The following GPC6 variants were observed in gnomAD, a reference collection of about 807,000 sequenced individuals.
GPC6 encodes glypican-6.
In GPC6, 14 loss-of-function variants were observed where a neutral mutation model predicts 55.2. The ratio of observed to expected loss-of-function variants is 0.25; its 90% CI spans 0.17 to 0.40. The LOEUF is 0.40. Among genes scored for constraint, GPC6 ranks in the 10% least tolerant of loss-of-function variants. The probability of loss-of-function intolerance (pLI) is 1.00; values close to 1 mark genes in which losing one functional copy is unlikely to be tolerated. For missense variants in GPC6, 641 were observed against 708.5 expected (o/e 0.90, Z 1.08); for synonymous variants, 278 against 259.6 (o/e 1.07, Z -0.68).
intron 2 of GPC6, among the ~76,000 whole-genome samples, chr13:93,546,682 T>C (rs1330836972): frequency 6.6e-6 from 1 of 152,328 alleles, no homozygotes; most frequent in African/African-American, 2.4e-5. Flanking sequence ...CTCTTGATTA[T>C]AGGTTACAAA....
At chr13:94,042,492 T>C (rs894214480) in intron 4 of GPC6, among the ~76,000 whole-genome samples, 4 of 151,906 alleles carry the variant, frequency 2.6e-5, no homozygotes, top group Non-Finnish European at 5.9e-5. Context: ...CAGGATTCCA[T>C]GTGCCTGTAG....
At chr13:93,720,182 A>G (rs1021997340) in intron 2 of GPC6, among the ~76,000 whole-genome samples, 1 of 151,802 alleles carries the variant, frequency 6.6e-6, no homozygotes, top group African/African-American at 2.4e-5. Flanking sequence ...TGTACTTTTG[A>G]TAGAATTTGG....
At chr13:93,237,011 T>C (rs1349005272) in intron 1 of GPC6, among the ~76,000 whole-genome samples, 1 of 152,170 alleles carries the variant, frequency 6.6e-6, no homozygotes, top group Admixed American at 6.5e-5. Context: ...CAATTGTGAG[T>C]TGTGTTGTGA....
chr13:94,075,622 A>G (rs894750213), intron 4 of GPC6, among the ~76,000 whole-genome samples: 4 of 152,244 alleles, frequency 2.6e-5, no homozygotes, highest in East Asian at 3.9e-4. Flanking sequence ...TCTTCTTACC[A>G]TAGACCTTGG....
At chr13:93,943,763 G>C (rs138696641) in intron 3 of GPC6, among the ~76,000 whole-genome samples, 2 of 152,044 alleles carry the variant, frequency 1.3e-5, no homozygotes, top group African/African-American at 4.8e-5. Context: ...CGCTAAAAAA[G>C]CAAAAACCCC....
chr13:93,909,175 G>T (rs1050623819), intron 3 of GPC6, among the ~76,000 whole-genome samples: 3 of 152,052 alleles, frequency 2.0e-5, no homozygotes, highest in African/African-American at 7.2e-5. Flanking sequence ...TGTGGTTTTG[G>T]CAAAATATAC....
chr13:93,418,900 A>G (rs7333618), intron 1 of GPC6, among the ~76,000 whole-genome samples: 4,855 of 150,974 alleles, frequency 0.032, 269 homozygotes, highest in African/African-American at 0.11. Flanking sequence ...TAATGGCACG[A>G]TACCATAGTA....
chr13:93,642,477 T>C lies in GPC6; in HGVS notation c.319+97056T>C, dbSNP rs147503768. On this transcript the variant is annotated intron_variant, in intron 2 of 8. Coordinates refer to ENST00000377047, the MANE Select transcript of GPC6 (RefSeq NM_005708.5). ...ATATGTGTGTGTGCTTGTGTCCTTT[T>C]GGTAGAATGATTTATTGTCCTTTGG... 1.2e-3 allele frequency among the ~76,000 whole-genome samples: 177 copies of C among 152,240 alleles called. 1 individual carries two copies. The highest frequency in any genetic ancestry group is 4.1e-3 in the African/African-American group (171 of 41,578).
intron 1 of GPC6, among the ~76,000 whole-genome samples, chr13:93,330,575 CT>C (rs1879809606): frequency 6.6e-6 from 1 of 152,084 alleles, no homozygotes; most frequent in Non-Finnish European, 1.5e-5. Context: ...TATGAGGCTG[CT>C]ACCTCATACA....
chr13:93,602,915 A>G (rs1478715850), intron 2 of GPC6, among the ~76,000 whole-genome samples: 7 of 152,202 alleles, frequency 4.6e-5, no homozygotes, highest in Non-Finnish European at 2.9e-5. Context: ...CCATGCAAAC[A>G]TTTAACTCTT....
chr13:93,513,837 G>T (rs1881075019), intron 1 of GPC6, among the ~76,000 whole-genome samples: 1 of 149,956 alleles, frequency 6.7e-6, no homozygotes, highest in African/African-American at 2.5e-5. Context: ...AACACCAGTG[G>T]CATGAAATCC....
At chr13:94,189,704 A>G (rs1889319336) in intron 4 of GPC6, among the ~76,000 whole-genome samples, 1 of 152,064 alleles carries the variant, frequency 6.6e-6, no homozygotes, top group South Asian at 2.1e-4. Flanking sequence ...AGATCTTTCC[A>G]TGATCCAACA....
intron 3 of GPC6, among the ~76,000 whole-genome samples, chr13:93,880,020 A>G (rs1446803339): frequency 1.3e-5 from 2 of 151,280 alleles, no homozygotes; most frequent in East Asian, 3.9e-4. Flanking sequence ...ATGAGATACC[A>G]TCTCACAGCA....
chr13:93,472,011 C>A (rs2139329610), intron 1 of GPC6, among the ~76,000 whole-genome samples: 1 of 152,232 alleles, frequency 6.6e-6, no homozygotes, highest in East Asian at 1.9e-4. Flanking sequence ...TTGTCTATTT[C>A]TATTTTCACA....
chr13:94,106,967 A>G (rs995671407), intron 4 of GPC6, among the ~76,000 whole-genome samples: 1 of 152,140 alleles, frequency 6.6e-6, no homozygotes, highest in Non-Finnish European at 1.5e-5. Flanking sequence ...AGAAATGCCT[A>G]GTAGACAAAA....
intron 2 of GPC6, among the ~76,000 whole-genome samples, chr13:93,725,218 T>A (rs928673924): frequency 7.3e-6 from 1 of 136,612 alleles, no homozygotes; most frequent in African/African-American, 3.6e-5. Context: ...GAAGAACAGC[T>A]AACATTATTG....
At chr13:93,732,620 T>C (rs1883868289) in intron 2 of GPC6, among the ~76,000 whole-genome samples, 1 of 152,154 alleles carries the variant, frequency 6.6e-6, no homozygotes, top group African/African-American at 2.4e-5. Flanking sequence ...CTATAACTTA[T>C]TAAAGGCATA....
intron 2 of GPC6, among the ~76,000 whole-genome samples, chr13:93,597,013 AAAAAAAAAAAAAAAAAAG>A (rs934477640): frequency 2.5e-5 from 3 of 117,918 alleles, no homozygotes; most frequent in Non-Finnish European, 4.5e-5. Context: ...CTGGCAAAAA[AAAAAAAAAAAAAAAAAAG>A]AAAAGAAAAG....
intron 3 of GPC6, among the ~76,000 whole-genome samples, chr13:93,897,837 T>TA (rs773577440): frequency 6.6e-6 from 1 of 152,132 alleles, no homozygotes. Flanking sequence ...GGCTACCTTG[T>TA]AAAAAATTCA....
Sources: allele counts gnomAD v4.1 joint callset (sites outside exome capture counted in the v4.1 genomes callset), GRCh38; gene constraint gnomAD v4.1.1; transcripts MANE v1.5; gene names NCBI Gene and HGNC (gene_info 2026-07-23, HGNC 2026-07-21).